LRRC4C: variants seen among roughly 807,000 people sequenced by gnomAD.
The protein encoded by LRRC4C is leucine-rich repeat-containing protein 4C.
A neutral mutation model predicts 33.6 loss-of-function variants in LRRC4C; 5 were observed. That is an observed-to-expected ratio of 0.15 (90% CI 0.08 to 0.31). The LOEUF is 0.31. Ranked by LOEUF, LRRC4C falls within the 10% of genes least tolerant of loss-of-function variation. LRRC4C has a pLI of 1.00. For missense variants in LRRC4C, 560 were observed against 796.7 expected (o/e 0.70, Z 3.58); for synonymous variants, 329 against 302.0 (o/e 1.09, Z -0.93).
chr11:40,957,890 G>A (rs1287020874), intron 1 of LRRC4C, among the ~76,000 whole-genome samples: 1 of 151,640 alleles, frequency 6.6e-6, no homozygotes, highest in African/African-American at 2.4e-5. Context: ...GCTATGGTCT[G>A]AATGTTTGTG....
intron 2 of LRRC4C, among the ~76,000 whole-genome samples, chr11:40,915,385 A>G (rs1383879024): frequency 5.3e-5 from 8 of 152,198 alleles, no homozygotes; most frequent in Non-Finnish European, 1.0e-4. Context: ...CCTCAGAAAT[A>G]ATGCCACATA....
intron 1 of LRRC4C, among the ~76,000 whole-genome samples, chr11:41,456,703 A>C (rs1956181053): frequency 6.6e-6 from 1 of 152,126 alleles, no homozygotes. Context: ...ACTCCTACTG[A>C]AATGGAAAGC....
At chr11:41,407,301 CTTTT>C (rs552180859) in intron 1 of LRRC4C, among the ~76,000 whole-genome samples, 9 of 133,288 alleles carry the variant, frequency 6.8e-5, no homozygotes, top group Admixed American at 1.5e-4. Flanking sequence ...TGAATTTTTC[CTTTT>C]TTTTTTTTTT....
chr11:41,257,503 A>G (rs1197588574), intron 1 of LRRC4C, among the ~76,000 whole-genome samples: 2 of 152,066 alleles, frequency 1.3e-5, no homozygotes, highest in Non-Finnish European at 2.9e-5. Flanking sequence ...GTGATAGAAG[A>G]ACACCAGTTA....
intron 3 of LRRC4C, among the ~76,000 whole-genome samples, chr11:40,429,098 T>G (rs1363077250): frequency 6.6e-6 from 1 of 152,198 alleles, no homozygotes; most frequent in Non-Finnish European, 1.5e-5. Flanking sequence ...GTAGATATAG[T>G]GATAACAATA....
intron 5 of LRRC4C, among the ~76,000 whole-genome samples, chr11:40,162,461 G>T (rs1390535913): frequency 2.6e-5 from 4 of 152,112 alleles, no homozygotes; most frequent in East Asian, 1.9e-4. Context: ...CTCACCCAGG[G>T]TGAGAGAAGA....
At chr11:40,819,505 G>T (rs1376762214) in intron 2 of LRRC4C, among the ~76,000 whole-genome samples, 1 of 152,174 alleles carries the variant, frequency 6.6e-6, no homozygotes, top group Non-Finnish European at 1.5e-5. Flanking sequence ...TGCCCACAAA[G>T]CCTATTGGTG....
At chr11:40,456,094 A>G (rs1034892878) in intron 3 of LRRC4C, among the ~76,000 whole-genome samples, 1 of 152,056 alleles carries the variant, frequency 6.6e-6, no homozygotes, top group South Asian at 2.1e-4. Flanking sequence ...TGGGAGAAAA[A>G]TGCCTACAAA....
intron 2 of LRRC4C, among the ~76,000 whole-genome samples, chr11:40,929,319 A>T (rs1190567725): frequency 6.6e-6 from 1 of 152,216 alleles, no homozygotes; most frequent in African/African-American, 2.4e-5. Flanking sequence ...TGCTAGATCC[A>T]TTAAAAGACC....
intron 3 of LRRC4C, among the ~76,000 whole-genome samples, chr11:40,347,321 C>T (rs778552660): frequency 1.3e-5 from 2 of 152,186 alleles, no homozygotes; most frequent in Non-Finnish European, 2.9e-5. Flanking sequence ...ATTTCCTCAC[C>T]TTTCTTAGCC....
chr11:41,403,607 A>C (rs1200205865), intron 1 of LRRC4C, among the ~76,000 whole-genome samples: 2 of 152,084 alleles, frequency 1.3e-5, no homozygotes, highest in Admixed American at 1.3e-4. Flanking sequence ...CAAACAACTG[A>C]TTAAGAGCAA....
intron 1 of LRRC4C, among the ~76,000 whole-genome samples, chr11:41,258,556 A>AT (rs914674059): frequency 3.3e-5 from 5 of 151,854 alleles, no homozygotes; most frequent in Admixed American, 2.0e-4. Context: ...TTGTGTTTTA[A>AT]TTTTTTTTCC....
At chr11:41,372,785 CA>C (rs33945657) in intron 1 of LRRC4C, among the ~76,000 whole-genome samples, 56,761 of 117,878 alleles carry the variant, frequency 0.48, 12,549 homozygotes, top group Non-Finnish European at 0.55. Flanking sequence ...AAGAGGGCAC[CA>C]AAAAAAAAAA....
At chr11:40,183,208 TTC>T (rs1491282584) in intron 5 of LRRC4C, among the ~76,000 whole-genome samples, 1 of 152,224 alleles carries the variant, frequency 6.6e-6, no homozygotes, top group Non-Finnish European at 1.5e-5. Context: ...GCATTTTTTT[TTC>T]TCTTTAAAAG....
intron 1 of LRRC4C, among the ~76,000 whole-genome samples, chr11:41,334,463 A>C (rs909506203): frequency 6.6e-6 from 1 of 152,078 alleles, no homozygotes; most frequent in Non-Finnish European, 1.5e-5. Context: ...TAACTGATTA[A>C]GTACTTGATT....
At chr11:40,669,522 G>A (rs1383618509) in intron 2 of LRRC4C, among the ~76,000 whole-genome samples, 1 of 152,100 alleles carries the variant, frequency 6.6e-6, no homozygotes, top group African/African-American at 2.4e-5. Flanking sequence ...TCCTAACCAT[G>A]CTGCCTGCAC....
At position 40,392,694 on chromosome 11, in the gene LRRC4C, T is replaced by C. The variant is rs547920448; in HGVS notation, c.-269-72973A>G. Reference sequence around the variant, plus strand: ...TTAGCTTTAAGTACTAGAAAAAAAATGTAGCATCTGTATTTATTGTCCTGA... The same window carrying C: ...TTAGCTTTAAGTACTAGAAAAAAAACGTAGCATCTGTATTTATTGTCCTGA... On this transcript the variant is annotated intron_variant, in intron 3 of 6. Coordinates refer to ENST00000528697, the MANE Select transcript of LRRC4C (RefSeq NM_001258419.2). Among the ~76,000 whole-genome samples, 15 of 152,196 alleles carry C rather than the reference T, an allele frequency of 9.9e-5. No homozygotes were observed. The South Asian group carries it at 2.9e-3, about 29-fold the overall frequency.
At chr11:41,054,206 C>T (rs1302402133) in intron 1 of LRRC4C, among the ~76,000 whole-genome samples, 1 of 152,178 alleles carries the variant, frequency 6.6e-6, no homozygotes. Flanking sequence ...TTTCCTCACA[C>T]TGACTTTTAA....
intron 1 of LRRC4C, among the ~76,000 whole-genome samples, chr11:41,163,301 T>TTTTTTTTTTTTTTTTC (rs71063903): frequency 7.1e-6 from 1 of 140,508 alleles, no homozygotes; most frequent in Non-Finnish European, 1.5e-5. Flanking sequence ...TTTTTTTTTT[T>TTTTTTTTTTTTTTTTC]CAAACAGGGT....
Sources: allele counts gnomAD v4.1 joint callset (sites outside exome capture counted in the v4.1 genomes callset), GRCh38; gene constraint gnomAD v4.1.1; transcripts MANE v1.5; gene names NCBI Gene and HGNC (gene_info 2026-07-23, HGNC 2026-07-21).